Variants in NTN4 observed in about 807,000 individuals in gnomAD.
NTN4 encodes the protein netrin 4, also known as netrin-4.
A neutral mutation model predicts 73.6 loss-of-function variants in NTN4; 32 were observed. The observed-to-expected ratio is 0.44, with a 90% CI of 0.33 to 0.58. NTN4 has a LOEUF of 0.58. Among genes scored for constraint, NTN4 ranks in the 20% least tolerant of loss-of-function variants. The pLI is 0.04. For synonymous variants in NTN4, 258 were observed against 287.5 expected, an observed-to-expected ratio of 0.90 and a Z score of 1.04; for missense variants, 654 against 798.3, an observed-to-expected ratio of 0.82 and a Z score of 2.18.
chr12:95,745,564 TAAG>T (rs1258429073), intron 2 of NTN4, among the ~76,000 whole-genome samples: 2 of 152,214 alleles, frequency 1.3e-5, no homozygotes, highest in Non-Finnish European at 2.9e-5. Context: ...CTTTTGAACA[TAAG>T]AAATACAGTG....
At chr12:95,678,449 A>G (rs1454856509) in intron 7 of NTN4, among the ~76,000 whole-genome samples, 1 of 152,160 alleles carries the variant, frequency 6.6e-6, no homozygotes, top group Non-Finnish European at 1.5e-5. Context: ...GATTTTCTCA[A>G]AAGATGCAGA....
At chr12:95,674,264 C>T (rs2078256500) in intron 7 of NTN4, among the ~76,000 whole-genome samples, 1 of 152,130 alleles carries the variant, frequency 6.6e-6, no homozygotes, top group Non-Finnish European at 1.5e-5. Context: ...GCTATAAAAC[C>T]TAATGGAACT....
At chr12:95,660,884 C>T (rs921125914) in intron 9 of NTN4, among the ~76,000 whole-genome samples, 4 of 152,094 alleles carry the variant, frequency 2.6e-5, no homozygotes, top group Non-Finnish European at 5.9e-5. Context: ...CCTGTAACAA[C>T]CATACAGGCC....
At chr12:95,759,491 GTTT>G (rs61286357) in intron 2 of NTN4, among the ~76,000 whole-genome samples, 1 of 136,388 alleles carries the variant, frequency 7.3e-6, no homozygotes, top group Admixed American at 7.4e-5. Context: ...TAGTATTTTT[GTTT>G]TTTTTTTTTT....
chr12:95,767,601 G>C (rs898155278), intron 2 of NTN4, among the ~76,000 whole-genome samples: 1 of 152,092 alleles, frequency 6.6e-6, no homozygotes, highest in Non-Finnish European at 1.5e-5. Context: ...TCATAAGGCA[G>C]TTGTTTTTCA....
chr12:95,770,143 A>G (rs1460760061), intron 2 of NTN4, among the ~76,000 whole-genome samples: 3 of 152,180 alleles, frequency 2.0e-5, no homozygotes, highest in African/African-American at 4.8e-5. Flanking sequence ...TTCTCAGGCC[A>G]TATTTAGTTT....
intron 3 of NTN4, among the ~76,000 whole-genome samples, chr12:95,715,566 T>C (rs2078599423): frequency 6.6e-6 from 1 of 152,268 alleles, no homozygotes; most frequent in South Asian, 2.1e-4. Context: ...CATGGAATTA[T>C]AAGGGTTCAC....
chr12:95,723,727 G>T (rs2078668218), intron 3 of NTN4, among the ~76,000 whole-genome samples: 1 of 152,088 alleles, frequency 6.6e-6, no homozygotes, highest in African/African-American at 2.4e-5. Context: ...GGCCAGGCTG[G>T]TCTCAAACTC....
At chr12:95,720,334 TCTGATGGACAGAC>T (rs1242444450) in intron 3 of NTN4, among the ~76,000 whole-genome samples, 1 of 152,210 alleles carries the variant, frequency 6.6e-6, no homozygotes, top group Admixed American at 6.5e-5. Flanking sequence ...AAGACCTTGC[TCTGATGGACAGAC>T]CTGAAAAAAC....
chr12:95,697,022 A>C (rs974427146), intron 5 of NTN4, among the ~76,000 whole-genome samples: 1 of 152,018 alleles, frequency 6.6e-6, no homozygotes, highest in African/African-American at 2.4e-5. Flanking sequence ...ATAAAAAAAA[A>C]AAATTAGCTG....
chr12:95,682,877 T>C lies in NTN4; in HGVS notation c.1395-55A>G, dbSNP rs891724305. On this transcript the variant is annotated intron_variant, in intron 6 of 9. Coordinates refer to ENST00000343702, the MANE Select transcript of NTN4 (RefSeq NM_021229.4). ...ATTCAGGAATTTTTTAGAACTTGTATAGAAATGAATCTATAGAGATTTAAA... is the reference window on the plus strand; with the variant it reads ...ATTCAGGAATTTTTTAGAACTTGTACAGAAATGAATCTATAGAGATTTAAA... 8.0e-6 allele frequency: 8 copies of C among 999,644 alleles called. No homozygotes were observed. In the East Asian group the frequency reaches 1.2e-4, roughly 15 times the overall value. The allele number at this position is 999,644 out of a possible 1,614,324, so 61.9% of individuals were successfully genotyped here.
chr12:95,682,955 A>AAC, intron 6 of NTN4, 133 bp from the exon 7 acceptor site: 1 of 560,458 alleles, frequency 1.8e-6, no homozygotes, highest in Non-Finnish European at 3.1e-6. Context: ...TGTTTTAAGG[A>AAC]ACTATTGTGA....
chr12:95,683,320 C>T (rs1042378948), intron 6 of NTN4, among the ~76,000 whole-genome samples, 178 bp downstream of exon 6: 1 of 152,210 alleles, frequency 6.6e-6, no homozygotes, highest in African/African-American at 2.4e-5. Context: ...CCTCAGCCTC[C>T]CAAAGTGTTG....
intron 5 of NTN4, among the ~76,000 whole-genome samples, chr12:95,689,036 G>C (rs1019045093): frequency 3.3e-5 from 5 of 152,048 alleles, no homozygotes; most frequent in Admixed American, 2.0e-4. Flanking sequence ...GAATGTGTGA[G>C]GTTTGCAAAA....
intron 5 of NTN4, among the ~76,000 whole-genome samples, chr12:95,692,443 C>T (rs192021587): frequency 6.6e-6 from 1 of 152,186 alleles, no homozygotes; most frequent in Non-Finnish European, 1.5e-5. Flanking sequence ...AAAGATTTCA[C>T]AACAGATTCC....
At chr12:95,721,096 A>T (rs1281620191) in intron 3 of NTN4, among the ~76,000 whole-genome samples, 1 of 152,130 alleles carries the variant, frequency 6.6e-6, no homozygotes, top group African/African-American at 2.4e-5. Flanking sequence ...TAACCCCTAA[A>T]CTATGCCATT....
chr12:95,718,203 C>T (rs1341356010), intron 3 of NTN4, among the ~76,000 whole-genome samples: 1 of 152,130 alleles, frequency 6.6e-6, no homozygotes, highest in Non-Finnish European at 1.5e-5. Flanking sequence ...GAATTTAGGT[C>T]AGGGGGAGGT....
intron 2 of NTN4, among the ~76,000 whole-genome samples, chr12:95,743,493 C>T (rs2078840844): frequency 1.3e-5 from 2 of 152,066 alleles, no homozygotes; most frequent in Admixed American, 6.5e-5. Context: ...GTTTCTTTTT[C>T]CCTAGGTACT....
At chr12:95,737,746 G>A (rs1211681431) in intron 3 of NTN4, 120 bp downstream of exon 3, 9 of 880,440 alleles carry the variant, frequency 1.0e-5, no homozygotes, top group East Asian at 2.5e-5. Flanking sequence ...GTATGGAGTC[G>A]GAGCTGTGAT....
Sources: gnomAD v4.1 joint callset for allele counts (sites outside exome capture counted in the v4.1 genomes callset) on GRCh38, gnomAD v4.1.1 for gene constraint, MANE v1.5 for transcripts, NCBI Gene and HGNC (gene_info 2026-07-23, HGNC 2026-07-21) for gene names.